Variants in PCDH15 observed in about 807,000 individuals in gnomAD.
PCDH15 encodes the protein protocadherin-15.
In PCDH15, 129 loss-of-function variants were observed where a neutral mutation model predicts 178.5. The observed-to-expected ratio is 0.72, with a 90% CI of 0.63 to 0.84. The LOEUF (loss-of-function observed/expected upper bound fraction) is 0.84. Among genes scored for constraint, PCDH15 ranks in the 40% least tolerant of loss-of-function variants. The pLI, the probability that PCDH15 is intolerant of heterozygous loss-of-function variation, is 0.00. For missense variants in PCDH15, 2,230 were observed against 2,099.9 expected, an observed-to-expected ratio of 1.06 and a Z score of -1.21; for synonymous variants, 800 against 732.0, an observed-to-expected ratio of 1.09 and a Z score of -1.50.
chr10:54,166,203 T>C (rs912649973), intron 13 of PCDH15, among the ~76,000 whole-genome samples: 1 of 152,238 alleles, frequency 6.6e-6, no homozygotes, highest in African/African-American at 2.4e-5. Flanking sequence ...TAACAGATCA[T>C]CATCCCCACT....
At chr10:54,497,148 T>A (rs1238362046) in intron 3 of PCDH15, among the ~76,000 whole-genome samples, 1 of 151,372 alleles carries the variant, frequency 6.6e-6, no homozygotes, top group African/African-American at 2.4e-5. Flanking sequence ...CCATCCAGGG[T>A]TAGAGCAGGA....
chr10:55,517,459 T>C (rs566157356), intron 2 of PCDH15, among the ~76,000 whole-genome samples: 13 of 152,112 alleles, frequency 8.5e-5, no homozygotes, highest in Admixed American at 4.6e-4. Context: ...GATGCCTGGC[T>C]TTTACTCTTA....
chr10:54,159,448 G>A (rs1334382401), intron 13 of PCDH15, among the ~76,000 whole-genome samples: 7 of 152,000 alleles, frequency 4.6e-5, no homozygotes, highest in East Asian at 3.9e-4. Flanking sequence ...AGAAAATATC[G>A]CTCATGACAT....
At chr10:55,071,914 A>C (rs986247083) in intron 2 of PCDH15, among the ~76,000 whole-genome samples, 3 of 152,220 alleles carry the variant, frequency 2.0e-5, no homozygotes, top group African/African-American at 7.2e-5. Context: ...ACCACAGTGC[A>C]ATCAAACTAG....
intron 2 of PCDH15, among the ~76,000 whole-genome samples, chr10:55,608,402 A>AAAGAGTCTCATCTC (rs1843281628): frequency 6.6e-6 from 1 of 151,506 alleles, no homozygotes. Context: ...AGGACTCAAG[A>AAAGAGTCTCATCTC]AAGAGTCTCA....
intron 2 of PCDH15, among the ~76,000 whole-genome samples, chr10:55,440,056 G>A (rs1036599473): frequency 3.3e-5 from 5 of 152,052 alleles, no homozygotes; most frequent in East Asian, 1.9e-4. Flanking sequence ...GCATATAGAC[G>A]AAAACTTGAC....
intron 2 of PCDH15, among the ~76,000 whole-genome samples, chr10:55,398,729 G>A (rs1013763037): frequency 1.3e-5 from 2 of 151,906 alleles, no homozygotes; most frequent in Non-Finnish European, 2.9e-5. Flanking sequence ...TTTACTATTT[G>A]TCTCACACAC....
At chr10:55,370,785 C>A (rs1449400970) in intron 2 of PCDH15, among the ~76,000 whole-genome samples, 1 of 152,156 alleles carries the variant, frequency 6.6e-6, no homozygotes, top group Non-Finnish European at 1.5e-5. Context: ...CTCACCTCTA[C>A]TATGGTTCAC....
chr10:54,742,463 T>C (rs1019880167), intron 1 of PCDH15, among the ~76,000 whole-genome samples: 2 of 152,024 alleles, frequency 1.3e-5, no homozygotes, highest in African/African-American at 4.8e-5. Flanking sequence ...ATGATGATGC[T>C]ACTCAAGACT....
At chr10:54,324,331 T>C (rs890312844) in intron 7 of PCDH15, among the ~76,000 whole-genome samples, 3 of 152,118 alleles carry the variant, frequency 2.0e-5, no homozygotes, top group South Asian at 2.1e-4. Flanking sequence ...AATAGTAATA[T>C]TATAATTTTA....
chr10:53,931,028 G>A (rs1224483039), intron 25 of PCDH15, among the ~76,000 whole-genome samples: 1 of 152,162 alleles, frequency 6.6e-6, no homozygotes, highest in East Asian at 1.9e-4. Flanking sequence ...AATGAGACAG[G>A]AAGAAGAGAT....
intron 2 of PCDH15, among the ~76,000 whole-genome samples, chr10:54,629,743 C>G (rs1368003389): frequency 6.6e-6 from 1 of 151,854 alleles, no homozygotes; most frequent in Non-Finnish European, 1.5e-5. Context: ...CTAGACAGAG[C>G]AATCAGGCAA....
chr10:54,975,397 TAATA>T (rs1364732598), intron 2 of PCDH15, among the ~76,000 whole-genome samples: 2 of 152,180 alleles, frequency 1.3e-5, no homozygotes, highest in Admixed American at 1.3e-4. Context: ...TGCTGGCACA[TAATA>T]AGGACTTAAT....
intron 18 of PCDH15, among the ~76,000 whole-genome samples, chr10:54,062,882 C>G (rs567633611): frequency 4.6e-5 from 7 of 152,186 alleles, no homozygotes; most frequent in African/African-American, 1.7e-4. Context: ...CTTTATCTCT[C>G]CAAGCTAAAT....
intron 2 of PCDH15, among the ~76,000 whole-genome samples, chr10:55,014,547 G>GA (rs1262699854): frequency 1.3e-5 from 2 of 151,490 alleles, no homozygotes; most frequent in African/African-American, 2.4e-5. Context: ...TCTATACAGT[G>GA]AAAAAATGAA....
intron 25 of PCDH15, among the ~76,000 whole-genome samples, chr10:53,920,196 G>A (rs2083881112): frequency 6.6e-6 from 1 of 152,064 alleles, no homozygotes; most frequent in Admixed American, 6.6e-5. Flanking sequence ...TGTATAAACT[G>A]TAGACAAACA....
rs1344662120 is a variant in PCDH15, at chr10:54,753,857, T to G, written c.-29+47068A>C. Among the ~76,000 whole-genome samples the G allele has an allele frequency of 9.5e-5, 3 of 31,656 alleles. No homozygotes were observed. In the East Asian group the frequency reaches 3.6e-3, roughly 38 times the overall value. The allele number at this position is 31,656 out of a possible 152,430, so 20.8% of individuals were successfully genotyped here. ...GAGTATTACCCAAATCCTTTTTCTA[T>G]TGTTTTTTTTTTGTTGTTGTTTTTT... On this transcript the variant is annotated intron_variant, in intron 1 of 37. Coordinates refer to ENST00000644397, the MANE Select transcript of PCDH15 (RefSeq NM_001384140.1).
intron 2 of PCDH15, among the ~76,000 whole-genome samples, chr10:55,619,481 C>A (rs111735148): frequency 5.3e-5 from 8 of 152,020 alleles, no homozygotes; most frequent in African/African-American, 1.9e-4. Flanking sequence ...TGATTTGAAT[C>A]CACACTCAAT....
At chr10:54,904,047 A>G (rs1333397173) in intron 2 of PCDH15, among the ~76,000 whole-genome samples, 1 of 152,022 alleles carries the variant, frequency 6.6e-6, no homozygotes, top group Non-Finnish European at 1.5e-5. Flanking sequence ...ATGCTGTCCT[A>G]TTCCTTTTAA....
Sources: gnomAD v4.1 joint callset for allele counts (sites outside exome capture counted in the v4.1 genomes callset) on GRCh38, gnomAD v4.1.1 for gene constraint, MANE v1.5 for transcripts, NCBI Gene and HGNC (gene_info 2026-07-23, HGNC 2026-07-21) for gene names.